ZC3H12B: variants seen among roughly 807,000 people sequenced by gnomAD.
The protein encoded by ZC3H12B is zinc finger CCCH-type containing 12B, also known as probable ribonuclease ZC3H12B.
A neutral mutation model predicts 43.9 loss-of-function variants in ZC3H12B; 7 were observed. That is an observed-to-expected ratio of 0.16 (90% CI 0.09 to 0.30). ZC3H12B has a LOEUF of 0.30. Ranked by LOEUF, ZC3H12B falls within the 10% of genes least tolerant of loss-of-function variation. ZC3H12B has a pLI of 1.00. For missense variants in ZC3H12B, 475 were observed against 670.2 expected (o/e 0.71, Z 3.22); for synonymous variants, 222 against 241.7 (o/e 0.92, Z 0.76).
chrX:65,296,417 G>T, the ZC3H12B span, among the ~76,000 whole-genome samples: 1 of 110,771 alleles, frequency 9.0e-6, no homozygotes, highest in Non-Finnish European at 1.9e-5. Context: ...CTGCTCAGGT[G>T]ATGGGTGCAC....
intron 2 of ZC3H12B, among the ~76,000 whole-genome samples, chrX:65,497,687 C>A (rs1412644791): frequency 9.0e-6 from 1 of 111,572 alleles, no homozygotes; most frequent in East Asian, 2.8e-4. Flanking sequence ...AAAGAAAAGT[C>A]CCACAGCAGT....
intron 2 of ZC3H12B, among the ~76,000 whole-genome samples, chrX:65,387,164 G>A (rs1017030381): frequency 2.7e-5 from 3 of 111,600 alleles, no homozygotes; most frequent in Non-Finnish European, 5.6e-5. Context: ...TATTAGGTCC[G>A]CTTGGTGCAG....
At chrX:65,456,596 G>A (rs1176070185) in intron 3 of ZC3H12B, among the ~76,000 whole-genome samples, 56 of 105,658 alleles carry the variant, frequency 5.3e-4, no homozygotes, top group African/African-American at 1.8e-3. Flanking sequence ...GCGCCGCCAC[G>A]CCTGACTGGT....
the ZC3H12B span, among the ~76,000 whole-genome samples, chrX:65,220,463 A>G: frequency 8.9e-6 from 1 of 112,028 alleles, no homozygotes; most frequent in East Asian, 2.8e-4. Flanking sequence ...CAAGAGACTC[A>G]CCTGACACAT....
intron 3 of ZC3H12B, among the ~76,000 whole-genome samples, chrX:65,452,624 T>G (rs1242139570): frequency 1.8e-5 from 2 of 111,608 alleles, no homozygotes; most frequent in Admixed American, 9.6e-5. Flanking sequence ...GTGGATCAAC[T>G]GAGGTCAGGA....
the ZC3H12B span, among the ~76,000 whole-genome samples, chrX:65,206,798 C>A: frequency 4.5e-5 from 5 of 111,064 alleles, no homozygotes; most frequent in Non-Finnish European, 7.5e-5. Context: ...CTACAAGGAA[C>A]TCAAAGAAAT....
chrX:65,136,461 T>C, the ZC3H12B span, among the ~76,000 whole-genome samples: 9 of 111,753 alleles, frequency 8.1e-5, no homozygotes. Flanking sequence ...CTACTTGTTA[T>C]AGCCTTGCTA....
the ZC3H12B span, among the ~76,000 whole-genome samples, chrX:65,278,975 ATCT>A: frequency 1.5e-4 from 17 of 111,483 alleles, no homozygotes; most frequent in African/African-American, 4.9e-4. Flanking sequence ...AAAAGACATG[ATCT>A]TCTTCTTTTT....
At chrX:65,444,072 T>C (rs2067342268) in intron 3 of ZC3H12B, among the ~76,000 whole-genome samples, 1 of 112,451 alleles carries the variant, frequency 8.9e-6, no homozygotes, top group African/African-American at 3.2e-5. Context: ...CATTTAGTGG[T>C]CTTCTCTTTC....
At chrX:65,149,831 A>G in the ZC3H12B span, among the ~76,000 whole-genome samples, 1 of 107,244 alleles carries the variant, frequency 9.3e-6, no homozygotes, top group African/African-American at 3.4e-5. Context: ...AAAGTAAAGT[A>G]TTATGGGCAT....
At chrX:65,114,378 T>C in the ZC3H12B span, among the ~76,000 whole-genome samples, 1 of 110,158 alleles carries the variant, frequency 9.1e-6, no homozygotes, top group South Asian at 3.8e-4. Flanking sequence ...ATTGGAGTTT[T>C]CTTTTTGGGA....
the ZC3H12B span, among the ~76,000 whole-genome samples, chrX:65,213,426 T>C: frequency 1.8e-5 from 2 of 111,343 alleles, no homozygotes; most frequent in African/African-American, 3.3e-5. Flanking sequence ...GCTCATAGGG[T>C]ATACAGGTTG....
At chrX:65,192,143 T>G in the ZC3H12B span, among the ~76,000 whole-genome samples, 2 of 109,758 alleles carry the variant, frequency 1.8e-5, 1 homozygote, top group African/African-American at 6.6e-5. Flanking sequence ...AGTTCTAGTT[T>G]GATTACACTG....
chrX:65,277,921 G>C, the ZC3H12B span, among the ~76,000 whole-genome samples: 1 of 110,198 alleles, frequency 9.1e-6, no homozygotes, highest in African/African-American at 3.3e-5. Context: ...TGAAAGGAAA[G>C]TTGTTATTTG....
chrX:65,381,349 T>A (rs867532792), intron 2 of ZC3H12B, among the ~76,000 whole-genome samples: 1 of 111,367 alleles, frequency 9.0e-6, no homozygotes, highest in African/African-American at 3.3e-5. Context: ...GCTCCTGAAT[T>A]ACTACTGGGT....
chrX:65,232,914 A>C, the ZC3H12B span, among the ~76,000 whole-genome samples: 2 of 111,998 alleles, frequency 1.8e-5, no homozygotes, highest in African/African-American at 3.2e-5. Context: ...ATTCCCTGCA[A>C]ATAGAAACCA....
At chrX:65,450,065 G>C (rs951661172) in intron 3 of ZC3H12B, among the ~76,000 whole-genome samples, 5 of 108,927 alleles carry the variant, frequency 4.6e-5, no homozygotes, top group African/African-American at 1.7e-4. Flanking sequence ...CCAACACTTT[G>C]GGAGGCTGAG....
intron 3 of ZC3H12B, among the ~76,000 whole-genome samples, chrX:65,414,072 T>C (rs1381940569): frequency 8.9e-6 from 1 of 112,125 alleles, no homozygotes; most frequent in Non-Finnish European, 1.9e-5. Flanking sequence ...TTTTCAGATA[T>C]TAATTGCTGG....
At chrX:65,061,197 G>A in the ZC3H12B span, among the ~76,000 whole-genome samples, 4 of 110,208 alleles carry the variant, frequency 3.6e-5, no homozygotes, top group Non-Finnish European at 5.7e-5. Flanking sequence ...TGTGCAGAAC[G>A]TGCAGGTTTG....
Sources: allele counts gnomAD v4.1 joint callset (sites outside exome capture counted in the v4.1 genomes callset), GRCh38; gene constraint gnomAD v4.1.1; transcripts MANE v1.5; gene names NCBI Gene and HGNC (gene_info 2026-07-23, HGNC 2026-07-21).